The following SEC14L1 variants were observed in gnomAD, a reference collection of about 807,000 sequenced individuals.
SEC14L1 encodes the protein SEC14 like lipid binding 1.
Under a neutral mutation model 85.3 loss-of-function variants are expected in SEC14L1, and 48 were observed. The observed-to-expected ratio is 0.56, with a 90% CI of 0.45 to 0.72. The LOEUF (loss-of-function observed/expected upper bound fraction) is 0.72, where lower values mean the gene tolerates loss of function less well. Ranked by LOEUF, SEC14L1 falls within the 30% of genes least tolerant of loss-of-function variation. The probability of loss-of-function intolerance (pLI) is 0.00; values close to 1 mark genes in which losing one functional copy is unlikely to be tolerated. For synonymous variants in SEC14L1, 391 were observed against 355.5 expected (o/e 1.10, Z -1.12); for missense variants, 682 against 921.4 (o/e 0.74, Z 3.36).
intron 3 of SEC14L1, among the ~76,000 whole-genome samples, chr17:77,120,376 C>A (rs553407976): frequency 6.6e-6 from 1 of 152,226 alleles, no homozygotes; most frequent in East Asian, 1.9e-4. Flanking sequence ...GGGACGAGGA[C>A]AGAGGTCTAG....
At chr17:77,188,096 A>G (rs1478977575) in intron 3 of SEC14L1, among the ~76,000 whole-genome samples, 1 of 152,348 alleles carries the variant, frequency 6.6e-6, no homozygotes, top group African/African-American at 2.4e-5. Flanking sequence ...TTTACAAAGA[A>G]TAATATTGAA....
At chr17:77,202,596 C>A (rs930551309) in intron 9 of SEC14L1, among the ~76,000 whole-genome samples, 1 of 147,154 alleles carries the variant, frequency 6.8e-6, no homozygotes, top group Non-Finnish European at 1.5e-5. Context: ...TCCAGCCTGG[C>A]GACAGAGCAA....
At chr17:77,164,433 C>CTGT (rs1974201335) in intron 3 of SEC14L1, among the ~76,000 whole-genome samples, 1 of 152,214 alleles carries the variant, frequency 6.6e-6, no homozygotes, top group Admixed American at 6.5e-5. Flanking sequence ...CCCTTTTGCT[C>CTGT]TGTCTGGTGT....
chr17:77,099,567 G>A (rs1282281263), intron 3 of SEC14L1, among the ~76,000 whole-genome samples: 3 of 152,150 alleles, frequency 2.0e-5, no homozygotes, highest in African/African-American at 7.2e-5. Flanking sequence ...GGCAAGCCTG[G>A]CCAACATGGT....
At position 77,143,472 on chromosome 17, in the gene SEC14L1, C is replaced by T. The variant is rs1246001644; in HGVS notation, c.-30-95C>T. ...AATTATGACCTATTGTGGTCTCTTTCTGTCGTTAGAGTGTGGTATGATGTG... is the reference window on the plus strand; with the variant it reads ...AATTATGACCTATTGTGGTCTCTTTTTGTCGTTAGAGTGTGGTATGATGTG... On this transcript the variant is annotated intron_variant, in intron 2 of 16. Coordinates refer to ENST00000436233, the MANE Select transcript of SEC14L1 (RefSeq NM_001143998.2). 9.0e-6 allele frequency: 6 copies of T among 666,880 alleles called. 1 individual carries two copies. Among genetic ancestry groups the T allele is most frequent in the South Asian group, 6.0e-5 (3 of 49,814 alleles). 41.3% of individuals were successfully genotyped at this position (666,880 alleles called of 1,614,324 possible). A position where few individuals can be genotyped will look rare whatever the true frequency, so the allele number is the denominator to read the frequency against.
chr17:77,168,180 A>G (rs1974368561), intron 3 of SEC14L1, among the ~76,000 whole-genome samples: 1 of 152,214 alleles, frequency 6.6e-6, no homozygotes, highest in Non-Finnish European at 1.5e-5. Context: ...GAGGCTAGAA[A>G]CAAGGGAGTA....
At position 77,191,297 on chromosome 17, in the gene SEC14L1, G is replaced by A. The variant is rs1975522935; in HGVS notation, c.330G>A (p.Glu110=). Reference sequence around the variant, plus strand: ...TTTCCAATCGGGTCATCATTAATGAGCATTGCTGCTACACCGTGAGTAATC... The same window carrying A: ...TTTCCAATCGGGTCATCATTAATGAACATTGCTGCTACACCGTGAGTAATC... ...ETFSNRVIIN[E]HCCYTVHPEN... The change falls in exon 5 of 17, where the codon GAG becomes GAA. Residue 110 remains glutamate, a synonymous_variant. Coordinates refer to ENST00000436233, the MANE Select transcript of SEC14L1 (RefSeq NM_001143998.2). 6.2e-7 allele frequency: 1 copy of A among 1,614,166 alleles called. No homozygotes were observed. Among genetic ancestry groups the A allele is most frequent in the Non-Finnish European group, 8.5e-7 (1 of 1,180,020 alleles).
At chr17:77,157,739 G>T (rs1299251433) in intron 3 of SEC14L1, among the ~76,000 whole-genome samples, 2 of 152,080 alleles carry the variant, frequency 1.3e-5, no homozygotes, top group Admixed American at 1.3e-4. Flanking sequence ...TGTTGGTCAG[G>T]CTGGTCCCAA....
intron 1 of SEC14L1, 139 bp downstream of exon 1, chr17:77,141,246 C>G (rs1973012496): frequency 6.9e-6 from 1 of 145,422 alleles, no homozygotes; most frequent in Non-Finnish European, 1.5e-5. Flanking sequence ...GCCCCGGCTG[C>G]CATCGGCCCG....
chr17:77,108,248 C>T (rs1425950838), intron 3 of SEC14L1, among the ~76,000 whole-genome samples: 2 of 152,172 alleles, frequency 1.3e-5, no homozygotes, highest in African/African-American at 4.8e-5. Context: ...TCCACTTTCC[C>T]CATCCAGAGT....
intron 13 of SEC14L1, among the ~76,000 whole-genome samples, chr17:77,207,940 C>G (rs1489179426): frequency 6.6e-6 from 1 of 152,138 alleles, no homozygotes; most frequent in African/African-American, 2.4e-5. Flanking sequence ...GTCTTGGGAG[C>G]ATTACGGAAG....
intron 3 of SEC14L1, among the ~76,000 whole-genome samples, chr17:77,150,891 A>C (rs2058726593): frequency 6.6e-6 from 1 of 152,202 alleles, no homozygotes; most frequent in South Asian, 2.1e-4. Context: ...TGTGCACGTC[A>C]GATTTTCAGC....
chr17:77,199,930 A>G (rs1410972447), intron 8 of SEC14L1, among the ~76,000 whole-genome samples: 1 of 152,210 alleles, frequency 6.6e-6, no homozygotes, highest in Non-Finnish European at 1.5e-5. Flanking sequence ...ACACTTTGGG[A>G]GGCCAAGGCA....
At chr17:77,204,005 C>G (rs547768651) in intron 10 of SEC14L1, among the ~76,000 whole-genome samples, 1 of 152,050 alleles carries the variant, frequency 6.6e-6, no homozygotes, top group Non-Finnish European at 1.5e-5. Flanking sequence ...TTCGTTAACG[C>G]GAGCTCTTGG....
rs530419778 is a variant in SEC14L1, at chr17:77,132,364, A to T, written c.-135-10282A>T. 3.9e-5 allele frequency among the ~76,000 whole-genome samples: 6 copies of T among 152,018 alleles called. No homozygotes were observed. In the East Asian group the frequency reaches 1.2e-3, roughly 29 times the overall value. ...CAGCCTCCCAAGTAGCTGCGATTAC[A>T]GGCATGCACCACCACACCCAGCTAA... On this transcript the variant is annotated intron_variant, in intron 3 of 19. Transcript: ENST00000392476.
chr17:77,096,820 G>GT (rs528628321), intron 3 of SEC14L1, among the ~76,000 whole-genome samples: 6 of 152,066 alleles, frequency 3.9e-5, no homozygotes, highest in Non-Finnish European at 8.8e-5. Flanking sequence ...GGATTTTGGG[G>GT]TTTTTTTGTT....
At chr17:77,126,937 T>A (rs1310721930) in intron 3 of SEC14L1, among the ~76,000 whole-genome samples, 1 of 150,922 alleles carries the variant, frequency 6.6e-6, no homozygotes, top group Non-Finnish European at 1.5e-5. Flanking sequence ...GGCGCCTCCC[T>A]TCCCTCCAAC....
chr17:77,194,998 C>A, intron 7 of SEC14L1, 87 bp downstream of exon 7: 1 of 946,212 alleles, frequency 1.1e-6, no homozygotes, highest in Non-Finnish European at 1.6e-6. Flanking sequence ...CCTGTTCCCG[C>A]TTCCTTGGAA....
At chr17:77,182,890 T>C (rs1975099024) in intron 3 of SEC14L1, among the ~76,000 whole-genome samples, 1 of 152,258 alleles carries the variant, frequency 6.6e-6, no homozygotes, top group African/African-American at 2.4e-5. Flanking sequence ...CTGGCTTTGC[T>C]TGAAAAGCAT....
Sources: allele counts gnomAD v4.1 joint callset (sites outside exome capture counted in the v4.1 genomes callset), GRCh38; gene constraint gnomAD v4.1.1; transcripts MANE v1.5; gene names NCBI Gene and HGNC (gene_info 2026-07-23, HGNC 2026-07-21).